The following UGT1A3 variants were observed in gnomAD, a reference collection of about 807,000 sequenced individuals.
UGT1A3 encodes the protein UDP-glucuronosyltransferase 1A3.
UGT1A3 carries 31 observed loss-of-function variants against 41.0 expected under a neutral mutation model. The observed-to-expected ratio is 0.76, with a 90% CI of 0.57 to 1.02. The LOEUF (loss-of-function observed/expected upper bound fraction) is 1.02. Among genes scored for constraint, UGT1A3 ranks in the 50% least tolerant of loss-of-function variants. The probability of loss-of-function intolerance (pLI) is 0.00; values close to 1 mark genes in which losing one functional copy is unlikely to be tolerated. For synonymous variants in UGT1A3, 262 were observed against 257.6 expected, an observed-to-expected ratio of 1.02 and a Z score of -0.17; for missense variants, 737 against 671.0, an observed-to-expected ratio of 1.10 and a Z score of -1.09.
At chr2:233,744,235 A>C (rs943816403) in intron 1 of UGT1A3, among the ~76,000 whole-genome samples, 3 of 151,766 alleles carry the variant, frequency 2.0e-5, no homozygotes, top group African/African-American at 4.9e-5. Flanking sequence ...GAGGGCCTTG[A>C]CTTTGGCTGC....
At chr2:233,755,961 C>T (rs1443749544) in intron 1 of UGT1A3, 1 of 152,160 alleles carries the variant, frequency 6.6e-6, no homozygotes, top group Non-Finnish European at 1.5e-5. Flanking sequence ...TAGTACTTGG[C>T]TCTATAGAGA....
At chr2:233,767,193 T>G (rs373415241) in intron 2 of UGT1A3, 28 bp downstream of exon 2, 1 of 1,613,806 alleles carries the variant, frequency 6.2e-7, no homozygotes. Context: ...CATGGCCTCA[T>G]ATCTATTTTC....
chr2:233,760,317 A>T, intron 1 of UGT1A3: 5 of 1,614,016 alleles, frequency 3.1e-6, no homozygotes, highest in Non-Finnish European at 4.2e-6. Context: ...GCGGACGCCC[A>T]CTTGTCCTGG....
In UGT1A3 at chr2:233,772,515, A is replaced by G. The variant is rs553499095; in HGVS notation, c.1561A>G (p.Lys521Glu). The change falls in exon 5 of 5, where the codon AAA becomes GAA. Residue 521 changes from lysine to glutamate, a missense_variant. Transcript: ENST00000482026. ...CAYGYRKCLGKKGRVKKAHKS... is the reference protein window; with the variant it reads ...CAYGYRKCLGEKGRVKKAHKS... ...TTATGGCTACCGGAAATGCTTGGGG[A>G]AAAAAGGGCGAGTTAAGAAAGCCCA... is the stretch of plus-strand genomic sequence containing the variant. 82 of 1,614,158 alleles carry G rather than the reference A, an allele frequency of 5.1e-5. No individual in the cohort carries two copies. Among genetic ancestry groups the G allele is most frequent in the Non-Finnish European group, 6.4e-5 (75 of 1,180,028 alleles).
intron 1 of UGT1A3, chr2:233,740,547 G>GA (rs1691417394): frequency 6.6e-6 from 1 of 151,824 alleles, no homozygotes; most frequent in Non-Finnish European, 1.5e-5. Flanking sequence ...ACTCCAGCCA[G>GA]AAAAAATGTC....
rs561148269 is a variant in UGT1A3 at position 233,758,341 on chromosome 2, T to A, written c.868-8693T>A. The stretch of plus-strand genomic sequence containing the variant: ...GCAGCCTCAAAAAGCTTGGAAGCTC[T>A]GCATGATGCAGGAAAGTCATAAAAT... On this transcript the variant is annotated intron_variant, in intron 1 of 4. Coordinates refer to ENST00000482026, the MANE Select transcript of UGT1A3 (RefSeq NM_019093.4). Among the ~76,000 whole-genome samples the A allele has an allele frequency of 3.3e-5, 5 of 152,358 alleles. No homozygotes were observed. In the South Asian group the frequency reaches 8.3e-4, roughly 25 times the overall value.
In UGT1A3 at chr2:233,729,465, T is replaced by A. The variant is rs757398194; in HGVS notation, c.339T>A (p.Ser113Arg). The A allele has an allele frequency of 5.6e-6, 9 of 1,614,038 alleles. No homozygotes were observed. Among genetic ancestry groups the A allele is most frequent in the African/African-American group, 2.7e-5 (2 of 74,932 alleles). Residue 113 changes from serine to arginine, a missense_variant, in exon 1 of 5, where the codon AGT becomes AGA. Transcript: ENST00000482026. ...ATTTTCTGAAGAAATTTTTCAGAAG[T>A]ATGGCAATGTTGAACAATATGTCTT... ...TEHFLKKFFRSMAMLNNMSLV... is the reference protein window; with the variant it reads ...TEHFLKKFFRRMAMLNNMSLV...
chr2:233,762,804 C>T (rs1698168354), intron 1 of UGT1A3, among the ~76,000 whole-genome samples: 1 of 151,574 alleles, frequency 6.6e-6, no homozygotes, highest in African/African-American at 2.4e-5. Context: ...TCAGCTATCT[C>T]ATCAAAATAT....
At chr2:233,771,134 C>T (rs1700244933) in intron 4 of UGT1A3, 1 of 152,302 alleles carries the variant, frequency 6.6e-6, no homozygotes, top group Admixed American at 6.5e-5. Flanking sequence ...CCCCATGATC[C>T]AAACACCTCC....
At chr2:233,739,246 G>A (rs1691023323) in intron 1 of UGT1A3, among the ~76,000 whole-genome samples, 1 of 152,234 alleles carries the variant, frequency 6.6e-6, no homozygotes, top group Non-Finnish European at 1.5e-5. Context: ...CTAGAGAAGG[G>A]TGGTAAAGAA....
intron 1 of UGT1A3, chr2:233,741,630 C>G (rs1050074339): frequency 1.3e-5 from 2 of 151,896 alleles, no homozygotes; most frequent in African/African-American, 4.9e-5. Flanking sequence ...CCATGAGCCC[C>G]TGTGGGATGG....
intron 1 of UGT1A3, among the ~76,000 whole-genome samples, chr2:233,731,747 G>A (rs1273441220): frequency 1.3e-5 from 2 of 152,080 alleles, no homozygotes; most frequent in Non-Finnish European, 2.9e-5. Flanking sequence ...ATAAACATAC[G>A]TGTGCATGTG....
At chr2:233,734,338 G>T (rs2078513080) in intron 1 of UGT1A3, among the ~76,000 whole-genome samples, 1 of 152,096 alleles carries the variant, frequency 6.6e-6, no homozygotes, top group Non-Finnish European at 1.5e-5. Context: ...TTCTCTGATG[G>T]TAGTTTGTAT....
chr2:233,747,871 T>C (rs12466997), intron 1 of UGT1A3: 130,796 of 1,613,384 alleles, frequency 0.081, 8,579 homozygotes, highest in African/African-American at 0.27. Context: ...CCTCTGGCCC[T>C]GTCCTACCTT....
rs1696612775 is a variant in UGT1A3 at position 233,757,546 on chromosome 2, A to ATACATATATATATC, written c.868-9486_868-9485insCATATATATATCTA. The stretch of plus-strand genomic sequence containing the variant: ...TCTTGCCTGTAAGGAATATATATAT[A>ATACATATATATATC]TATATATATATATATGTATATATGA... On this transcript the variant is annotated intron_variant, in intron 1 of 4. Transcript: ENST00000482026. Among the ~76,000 whole-genome samples the ATACATATATATATC allele has an allele frequency of 1.6e-5, 2 of 123,536 alleles. 1 individual carries two copies. The highest frequency in any genetic ancestry group is 3.5e-5 in the Non-Finnish European group (2 of 57,034). 81.0% of individuals were successfully genotyped at this position (123,536 alleles called of 152,430 possible).
chr2:233,755,300 G>C (rs149465290), intron 1 of UGT1A3: 2 of 608,528 alleles, frequency 3.3e-6, no homozygotes, highest in African/African-American at 3.8e-5. Flanking sequence ...GCGGGGCACT[G>C]GCACAGCGAG....
intron 1 of UGT1A3, chr2:233,747,959 C>T: frequency 6.2e-7 from 1 of 1,613,522 alleles, no homozygotes; most frequent in Non-Finnish European, 8.5e-7. Context: ...TGGATCTTCT[C>T]AGCCATGCAT....
intron 1 of UGT1A3, among the ~76,000 whole-genome samples, chr2:233,751,420 G>C (rs1694723370): frequency 6.6e-6 from 1 of 152,164 alleles, no homozygotes; most frequent in Non-Finnish European, 1.5e-5. Context: ...TTTTGAGCTA[G>C]TGCTGAAATG....
intron 1 of UGT1A3, chr2:233,756,443 C>T (rs1181894650): frequency 6.6e-6 from 1 of 151,696 alleles, no homozygotes; most frequent in Non-Finnish European, 1.5e-5. Flanking sequence ...ATTGTTGTTC[C>T]CCCCAAATAT....
Sources: allele counts gnomAD v4.1 joint callset (sites outside exome capture counted in the v4.1 genomes callset), GRCh38; gene constraint gnomAD v4.1.1; transcripts MANE v1.5; gene names NCBI Gene and HGNC (gene_info 2026-07-23, HGNC 2026-07-21).